The following MBD5 variants were observed in gnomAD, a reference collection of about 807,000 sequenced individuals.
The protein encoded by MBD5 is methyl-CpG binding domain protein 5.
Under a neutral mutation model 117.3 loss-of-function variants are expected in MBD5, and 13 were observed. The ratio of observed to expected loss-of-function variants is 0.11; its 90% CI spans 0.07 to 0.18. The LOEUF is 0.18. Ranked by LOEUF, MBD5 falls within the 10% of genes least tolerant of loss-of-function variation. The probability of loss-of-function intolerance (pLI) is 1.00; values close to 1 mark genes in which losing one functional copy is unlikely to be tolerated. For synonymous variants in MBD5, 727 were observed against 766.4 expected (o/e 0.95, Z 0.85); for missense variants, 1,879 against 2,093.8 (o/e 0.90, Z 2.00).
At chr2:148,398,928 G>T (rs978829776) in intron 4 of MBD5, among the ~76,000 whole-genome samples, 10 of 152,132 alleles carry the variant, frequency 6.6e-5, no homozygotes, top group Admixed American at 3.3e-4. Flanking sequence ...CCCATTGCTT[G>T]TTTTTCTCAG....
intron 3 of MBD5, among the ~76,000 whole-genome samples, chr2:148,311,821 G>T (rs1366057757): frequency 6.6e-6 from 1 of 152,154 alleles, no homozygotes; most frequent in Non-Finnish European, 1.5e-5. Flanking sequence ...GCTTCCTTCA[G>T]GAGCTCTTGT....
intron 4 of MBD5, among the ~76,000 whole-genome samples, chr2:148,432,403 T>C (rs1706017415): frequency 6.6e-6 from 1 of 152,134 alleles, no homozygotes; most frequent in Non-Finnish European, 1.5e-5. Flanking sequence ...GGTTTTTTGT[T>C]GCAGTGGCTT....
chr2:148,406,969 A>G (rs1045500480), intron 4 of MBD5, among the ~76,000 whole-genome samples: 7 of 152,174 alleles, frequency 4.6e-5, no homozygotes, highest in Non-Finnish European at 8.8e-5. Flanking sequence ...CAATTATTTT[A>G]CATATGAAGT....
At position 148,294,510 on chromosome 2, in the gene MBD5, T is replaced by TTTTTGTTTTTTTTTTTTTTTGTTTG. The variant is rs1559009563; in HGVS notation, c.-679-47700_-679-47699insGTTTTTTTTTTTTTTTGTTTGTTTT. 1.1e-4 allele frequency among the ~76,000 whole-genome samples: 14 copies of TTTTTGTTTTTTTTTTTTTTTGTTTG among 133,168 alleles called. 1 individual carries two copies. The highest frequency in any genetic ancestry group is 8.4e-5 in the Non-Finnish European group (5 of 59,602). 87.4% of individuals were successfully genotyped at this position (133,168 alleles called of 152,430 possible). A position where few individuals can be genotyped will look rare whatever the true frequency, so the allele number is the denominator to read the frequency against. ...AAGTGCTGGGATTACAGTTTTTTTTTTTTTTTTTTTTGAGATAGAGCTGGC... is the reference window on the plus strand; with the variant it reads ...AAGTGCTGGGATTACAGTTTTTTTTTTTTTGTTTTTTTTTTTTTTTGTTTGTTTTTTTTTTTGAGATAGAGCTGGC... On this transcript the variant is annotated intron_variant, in intron 3 of 13. Transcript: ENST00000642680.
chr2:148,280,642 C>T (rs957525357), intron 3 of MBD5, among the ~76,000 whole-genome samples: 10 of 152,114 alleles, frequency 6.6e-5, no homozygotes, highest in Admixed American at 2.6e-4. Context: ...GTTGCCCAGG[C>T]GGGCCTCAAA....
At chr2:148,189,451 GA>G (rs1378892460) in intron 2 of MBD5, among the ~76,000 whole-genome samples, 2 of 144,828 alleles carry the variant, frequency 1.4e-5, no homozygotes, top group Non-Finnish European at 3.0e-5. Context: ...CCTGACCCGT[GA>G]CCCCCGAGCA....
intron 1 of MBD5, among the ~76,000 whole-genome samples, chr2:148,124,714 G>A (rs1696849115): frequency 1.3e-5 from 2 of 152,044 alleles, no homozygotes; most frequent in African/African-American, 2.4e-5. Flanking sequence ...GCATATATGA[G>A]CATAACTGTA....
At chr2:148,383,794 G>A (rs1704242161) in intron 4 of MBD5, among the ~76,000 whole-genome samples, 1 of 152,148 alleles carries the variant, frequency 6.6e-6, no homozygotes, top group African/African-American at 2.4e-5. Context: ...TGGGATGCAA[G>A]GCTGGTTCAA....
chr2:148,199,736 G>A (rs1165362700), intron 2 of MBD5, among the ~76,000 whole-genome samples: 1 of 151,858 alleles, frequency 6.6e-6, no homozygotes, highest in Non-Finnish European at 1.5e-5. Flanking sequence ...CTCCAGCCTG[G>A]GTGACAGAGT....
chr2:148,441,113 T>TA (rs1706308038), intron 4 of MBD5, among the ~76,000 whole-genome samples: 1 of 152,130 alleles, frequency 6.6e-6, no homozygotes, highest in South Asian at 2.1e-4. Flanking sequence ...AATTTTTTTT[T>TA]ATTTATTATA....
chr2:148,378,003 A>G (rs1234202465), intron 4 of MBD5, among the ~76,000 whole-genome samples: 1 of 152,192 alleles, frequency 6.6e-6, no homozygotes, highest in Non-Finnish European at 1.5e-5. Flanking sequence ...CCCCCTTTAT[A>G]GAAATTAGCT....
At chr2:148,294,507 T>TTTTTTTTGTTTTTTTG (rs1218239671) in intron 3 of MBD5, among the ~76,000 whole-genome samples, 6 of 124,214 alleles carry the variant, frequency 4.8e-5, no homozygotes, top group African/African-American at 9.8e-5. Context: ...TACAGTTTTT[T>TTTTTTTTGTTTTTTTG]TTTTTTTTTT....
chr2:148,348,063 CTG>C (rs1414246699), intron 4 of MBD5, among the ~76,000 whole-genome samples: 2 of 152,130 alleles, frequency 1.3e-5, no homozygotes, highest in East Asian at 3.9e-4. Flanking sequence ...TTGTATAATG[CTG>C]TGTTTAAAGA....
At chr2:148,178,068 A>G (rs1329936538) in intron 1 of MBD5, among the ~76,000 whole-genome samples, 2 of 152,200 alleles carry the variant, frequency 1.3e-5, no homozygotes. Context: ...CTGCATTGTC[A>G]AGGAATTCAC....
intron 1 of MBD5, among the ~76,000 whole-genome samples, chr2:148,052,036 C>G: frequency 6.6e-6 from 1 of 151,620 alleles, no homozygotes; most frequent in Non-Finnish European, 1.5e-5. Context: ...TAATTTTACC[C>G]TTCTCTCTTT....
intron 3 of MBD5, among the ~76,000 whole-genome samples, chr2:148,332,740 T>C (rs1391214454): frequency 6.6e-6 from 1 of 152,198 alleles, no homozygotes; most frequent in Non-Finnish European, 1.5e-5. Context: ...TCTGAAATTT[T>C]ATTAGGATAT....
chr2:148,124,897 T>C (rs1434737716), intron 1 of MBD5, among the ~76,000 whole-genome samples: 2 of 151,254 alleles, frequency 1.3e-5, no homozygotes, highest in African/African-American at 4.8e-5. Flanking sequence ...TATATGTACA[T>C]ATATTTATAA....
At chr2:148,226,227 A>G (rs1699815677) in intron 2 of MBD5, among the ~76,000 whole-genome samples, 2 of 151,818 alleles carry the variant, frequency 1.3e-5, no homozygotes, top group African/African-American at 4.8e-5. Context: ...CTTGTCATTT[A>G]GCATTAGGTA....
intron 3 of MBD5, among the ~76,000 whole-genome samples, chr2:148,234,434 T>A (rs1700050622): frequency 6.6e-6 from 1 of 152,088 alleles, no homozygotes; most frequent in East Asian, 1.9e-4. Context: ...GTAACTAGAG[T>A]CAAAATTAAT....
Sources: allele counts gnomAD v4.1 joint callset (sites outside exome capture counted in the v4.1 genomes callset), GRCh38; gene constraint gnomAD v4.1.1; transcripts MANE v1.5; gene names NCBI Gene and HGNC (gene_info 2026-07-23, HGNC 2026-07-21).